The following MTFR1 variants were observed in gnomAD, a reference collection of about 807,000 sequenced individuals.
MTFR1 encodes the protein mitochondrial fission regulator 1.
A neutral mutation model predicts 38.8 loss-of-function variants in MTFR1; 28 were observed. The ratio of observed to expected loss-of-function variants is 0.72; its 90% CI spans 0.53 to 0.99. The LOEUF is 0.99. Among genes scored for constraint, MTFR1 ranks in the 50% least tolerant of loss-of-function variants. MTFR1 has a pLI of 0.00. For synonymous variants in MTFR1, 145 were observed against 137.0 expected (o/e 1.06, Z -0.41); for missense variants, 358 against 395.5 (o/e 0.91, Z 0.81).
At chr8:65,767,710 G>A (rs971693806) in intron 3 of MTFR1, among the ~76,000 whole-genome samples, 1 of 152,196 alleles carries the variant, frequency 6.6e-6, no homozygotes, top group Non-Finnish European at 1.5e-5. Flanking sequence ...AACATGTAGA[G>A]TTTCTTGGAG....
At chr8:65,775,924 G>A (rs928233366), downstream of MTFR1, among the ~76,000 whole-genome samples, 7 of 151,964 alleles carry the variant, frequency 4.6e-5, no homozygotes, top group Admixed American at 1.3e-4. Flanking sequence ...CACCATGCCC[G>A]GCCTCTTCCC....
intron 1 of MTFR1, among the ~76,000 whole-genome samples, chr8:65,659,000 G>A (rs1465829156): frequency 1.3e-5 from 2 of 152,118 alleles, no homozygotes; most frequent in Admixed American, 1.3e-4. Context: ...ATCACGGGGA[G>A]GGAAGTAAGC....
intron 1 of MTFR1, among the ~76,000 whole-genome samples, chr8:65,645,635 C>T (rs1808937492): frequency 6.6e-6 from 1 of 151,528 alleles, no homozygotes; most frequent in Non-Finnish European, 1.5e-5. Flanking sequence ...CAGCGATCCT[C>T]ACGCCTCAGC....
At position 65,703,783 on chromosome 8, in the gene MTFR1, A is replaced by G. The variant is rs115002189; in HGVS notation, c.282-911A>G. On this transcript the variant is annotated intron_variant, in intron 4 of 7. Coordinates refer to ENST00000262146, the MANE Select transcript of MTFR1 (RefSeq NM_014637.4). ...TTTGTTTTTATTTCTTAAAATTTCT[A>G]TGAATTACAAAAATTCTTGCAAGAG... is the stretch of plus-strand genomic sequence containing the variant. Among the ~76,000 whole-genome samples, 801 of 152,218 alleles carry G rather than the reference A, an allele frequency of 5.3e-3. 6 individuals carry two copies. Among genetic ancestry groups the G allele is most frequent in the African/African-American group, 0.018 (749 of 41,534 alleles).
At chr8:65,724,785 C>A in intron 3 of MTFR1, 1 of 1,604,240 alleles carries the variant, frequency 6.2e-7, no homozygotes. Flanking sequence ...ACCTGTAAAA[C>A]CAAATGTCTG....
In MTFR1 at chr8:65,686,845, A is replaced by T. The variant is rs189194940; in HGVS notation, c.165+4394A>T. Among the ~76,000 whole-genome samples, 385 of 151,406 alleles carry T rather than the reference A, an allele frequency of 2.5e-3. 5 individuals are homozygous for T. The South Asian group carries it at 0.035, about 14-fold the overall frequency. On this transcript the variant is annotated intron_variant, in intron 3 of 7. Transcript: ENST00000262146. ...GGCTGAGGCAGGAAGAATTGCCTGAACCCGGGAACTGGAGGTTGTAATGAG... is the reference window on the plus strand; with the variant it reads ...GGCTGAGGCAGGAAGAATTGCCTGATCCCGGGAACTGGAGGTTGTAATGAG...
chr8:65,734,768 A>G (rs1421349408), intron 3 of MTFR1: 35 of 1,259,310 alleles, frequency 2.8e-5, no homozygotes, highest in Non-Finnish European at 4.1e-5. Context: ...TATGATTTTC[A>G]CCTGAAATCA....
At chr8:65,712,804 A>T (rs1805988919), downstream of MTFR1, among the ~76,000 whole-genome samples, 1 of 152,196 alleles carries the variant, frequency 6.6e-6, no homozygotes, top group Admixed American at 6.5e-5. Flanking sequence ...CTTTGTTCTA[A>T]CAGCCTGAGT....
At chr8:65,718,902 A>C (rs1490930031) in intron 2 of MTFR1, 2 of 242,306 alleles carry the variant, frequency 8.3e-6, no homozygotes, top group African/African-American at 4.4e-5. Flanking sequence ...GGAAGGTACA[A>C]GATACACATT....
intron 2 of MTFR1, among the ~76,000 whole-genome samples, chr8:65,716,416 C>T (rs529058977): frequency 2.1e-4 from 32 of 152,144 alleles, no homozygotes; most frequent in Non-Finnish European, 4.0e-4. Context: ...TTATTTAATG[C>T]ATGTGCCAAT....
intron 1 of MTFR1, among the ~76,000 whole-genome samples, chr8:65,656,541 G>A (rs1476818430): frequency 2.2e-5 from 3 of 133,756 alleles, no homozygotes; most frequent in Non-Finnish European, 4.7e-5. Context: ...TTTCTCTGTT[G>A]CCCAGGCTGG....
intron 3 of MTFR1, chr8:65,689,502 A>G (rs1045718080): frequency 9.8e-7 from 1 of 1,024,516 alleles, no homozygotes; most frequent in Non-Finnish European, 1.3e-6. Flanking sequence ...GCTCTGAATG[A>G]AATGTGATTT....
At chr8:65,660,347 A>G (rs965880568) in intron 1 of MTFR1, among the ~76,000 whole-genome samples, 4 of 151,396 alleles carry the variant, frequency 2.6e-5, no homozygotes, top group African/African-American at 9.7e-5. Context: ...TTAATTTTAT[A>G]TATCAACTGG....
At chr8:65,739,659 C>T in intron 3 of MTFR1, 4 of 1,327,468 alleles carry the variant, frequency 3.0e-6, no homozygotes, top group Non-Finnish European at 3.9e-6. Flanking sequence ...TTATATTATG[C>T]TTTGAAATAC....
chr8:65,698,340 A>G (rs545384927), intron 4 of MTFR1, among the ~76,000 whole-genome samples: 2 of 151,892 alleles, frequency 1.3e-5, no homozygotes, highest in East Asian at 3.9e-4. Context: ...GGTTTTCGCC[A>G]TGTTGCCCAG....
intron 1 of MTFR1, among the ~76,000 whole-genome samples, chr8:65,658,100 CTTA>C (rs1344930772): frequency 6.6e-6 from 1 of 151,742 alleles, no homozygotes; most frequent in Non-Finnish European, 1.5e-5. Flanking sequence ...TATTAATCTT[CTTA>C]TTTTCCCCAA....
At chr8:65,717,185 T>C (rs889398128) in intron 2 of MTFR1, among the ~76,000 whole-genome samples, 5 of 152,362 alleles carry the variant, frequency 3.3e-5, no homozygotes, top group Non-Finnish European at 5.9e-5. Context: ...TCTGTTTCTA[T>C]TGGACATCAA....
chr8:65,762,845 C>A (rs1808574337), intron 3 of MTFR1, among the ~76,000 whole-genome samples: 1 of 151,938 alleles, frequency 6.6e-6, no homozygotes, highest in African/African-American at 2.4e-5. Context: ...TACCATAAAA[C>A]AAGTATATTG....
chr8:65,664,906 T>A (rs1390673088), intron 1 of MTFR1, among the ~76,000 whole-genome samples: 1 of 151,144 alleles, frequency 6.6e-6, no homozygotes, highest in Non-Finnish European at 1.5e-5. Context: ...TATTTGACAT[T>A]TTAGTTTTTC....
Sources: allele counts gnomAD v4.1 joint callset (sites outside exome capture counted in the v4.1 genomes callset), GRCh38; gene constraint gnomAD v4.1.1; transcripts MANE v1.5; gene names NCBI Gene and HGNC (gene_info 2026-07-23, HGNC 2026-07-21).